Variants in DNAH7 observed in about 807,000 individuals in gnomAD.
DNAH7 encodes the protein axonemal beta dynein heavy chain 7.
Under a neutral mutation model 444.6 loss-of-function variants are expected in DNAH7, and 397 were observed. The ratio of observed to expected loss-of-function variants is 0.89; its 90% CI spans 0.82 to 0.97. The LOEUF (loss-of-function observed/expected upper bound fraction) is 0.97. Among genes scored for constraint, DNAH7 ranks in the 50% least tolerant of loss-of-function variants. The probability of loss-of-function intolerance (pLI) is 0.00; values close to 1 mark genes in which losing one functional copy is unlikely to be tolerated. For missense variants in DNAH7, 4,902 were observed against 4,800.8 expected (o/e 1.02, Z -0.62); for synonymous variants, 1,636 against 1,624.4 (o/e 1.01, Z -0.17).
intron 36 of DNAH7, among the ~76,000 whole-genome samples, chr2:195,879,291 T>C (rs1701233110): frequency 1.3e-5 from 2 of 151,904 alleles, no homozygotes; most frequent in Non-Finnish European, 2.9e-5. Context: ...CAAAAATAGA[T>C]CATGTAAATG....
At position 196,027,940 on chromosome 2, in the gene DNAH7, C is replaced by A. The variant is rs1695792502; in HGVS notation, c.486+20G>T. 2 of 1,605,542 alleles carry A rather than the reference C, an allele frequency of 1.2e-6. No individual in the cohort carries two copies. The highest frequency in any genetic ancestry group is 1.7e-5 in the Admixed American group (1 of 58,920). The stretch of plus-strand genomic sequence containing the variant: ...TTTCTTTCCTTTTCAATTATACAGA[C>A]AAAACAAATGGCCAGTTACCAAGAT... On this transcript the variant is annotated intron_variant, in intron 6 of 64. Coordinates refer to ENST00000312428, the MANE Select transcript of DNAH7 (RefSeq NM_018897.3).
chr2:195,745,260 G>A, intron 63 of DNAH7, among the ~76,000 whole-genome samples: 1 of 152,116 alleles, frequency 6.6e-6, no homozygotes, highest in East Asian at 1.9e-4. Flanking sequence ...TATCAGTGAT[G>A]GAAGATGAAA....
intron 48 of DNAH7, among the ~76,000 whole-genome samples, chr2:195,826,451 A>T (rs960882587): frequency 6.6e-6 from 1 of 152,240 alleles, no homozygotes; most frequent in Non-Finnish European, 1.5e-5. Flanking sequence ...TAAATCAGCT[A>T]GTAAATGACA....
At chr2:195,744,457 C>T (rs1693255973) in intron 63 of DNAH7, among the ~76,000 whole-genome samples, 1 of 152,234 alleles carries the variant, frequency 6.6e-6, no homozygotes, top group African/African-American at 2.4e-5. Context: ...GCAGTAACCT[C>T]TGCAGACTTA....
At chr2:195,995,383 C>T in intron 12 of DNAH7, 1 of 512,858 alleles carries the variant, frequency 1.9e-6, no homozygotes, top group South Asian at 1.5e-5. Flanking sequence ...GTGAGCACAC[C>T]AAGGGATGTA....
At chr2:195,960,025 G>A (rs1690972133) in intron 18 of DNAH7, among the ~76,000 whole-genome samples, 1 of 152,150 alleles carries the variant, frequency 6.6e-6, no homozygotes, top group African/African-American at 2.4e-5. Context: ...TGATAGCAAA[G>A]GATGAGCAAT....
At chr2:195,808,602 ATC>A in intron 53 of DNAH7, 78 bp downstream of exon 53, 1 of 1,532,588 alleles carries the variant, frequency 6.5e-7, no homozygotes, top group Non-Finnish European at 8.8e-7. Flanking sequence ...GCTTATTTAA[ATC>A]TTGCTTTTAT....
At chr2:195,911,152 A>T (rs900369634) in intron 24 of DNAH7, among the ~76,000 whole-genome samples, 1 of 152,202 alleles carries the variant, frequency 6.6e-6, no homozygotes, top group Non-Finnish European at 1.5e-5. Context: ...AGCAATGGAC[A>T]AAGAGTGTTA....
chr2:195,965,237 T>G (rs1198779955), intron 17 of DNAH7, among the ~76,000 whole-genome samples: 1 of 152,224 alleles, frequency 6.6e-6, no homozygotes, highest in East Asian at 1.9e-4. Flanking sequence ...ATATTATTTT[T>G]GTCGTTCATT....
chr2:196,013,999 G>T (rs1483770418), intron 9 of DNAH7, among the ~76,000 whole-genome samples: 1 of 152,130 alleles, frequency 6.6e-6, no homozygotes, highest in African/African-American at 2.4e-5. Flanking sequence ...CTTCGTATTC[G>T]ATTTGAAACA....
At chr2:195,907,936 G>A (rs887165761) in intron 25 of DNAH7, among the ~76,000 whole-genome samples, 1 of 151,994 alleles carries the variant, frequency 6.6e-6, no homozygotes, top group African/African-American at 2.4e-5. Flanking sequence ...TGCTTTGGAT[G>A]TCATATTCAA....
intron 7 of DNAH7, among the ~76,000 whole-genome samples, chr2:196,025,146 TTGGTATC>T (rs1470981872): frequency 6.6e-6 from 1 of 152,154 alleles, no homozygotes; most frequent in South Asian, 2.1e-4. Flanking sequence ...TCTGCAGATT[TTGGTATC>T]TGTCAGGGAG....
intron 19 of DNAH7, among the ~76,000 whole-genome samples, chr2:195,953,432 G>A (rs1297865150): frequency 6.6e-6 from 1 of 152,200 alleles, no homozygotes; most frequent in Non-Finnish European, 1.5e-5. Context: ...ACCTGAGAAG[G>A]CAGTCTGTCT....
At chr2:195,888,116 T>A in intron 33 of DNAH7, 142 bp downstream of exon 33, 1 of 676,366 alleles carries the variant, frequency 1.5e-6, no homozygotes, top group South Asian at 2.3e-5. Flanking sequence ...GCATGAATTC[T>A]AATCTAAATT....
At chr2:195,974,975 A>C (rs149135510) in intron 15 of DNAH7, among the ~76,000 whole-genome samples, 1 of 152,178 alleles carries the variant, frequency 6.6e-6, no homozygotes, top group Non-Finnish European at 1.5e-5. Context: ...CTGTGTATAG[A>C]AAGTTTTGAA....
chr2:196,036,694 C>T (rs1468396116), intron 5 of DNAH7, among the ~76,000 whole-genome samples: 1 of 152,210 alleles, frequency 6.6e-6, no homozygotes, highest in African/African-American at 2.4e-5. Flanking sequence ...ACCTTTCCAG[C>T]TGGCCTGTGG....
intron 19 of DNAH7, among the ~76,000 whole-genome samples, chr2:195,941,829 G>C (rs1689471468): frequency 6.6e-6 from 1 of 152,106 alleles, no homozygotes; most frequent in Admixed American, 6.6e-5. Context: ...CTTTCATTTA[G>C]ATTCAATGTA....
chr2:195,865,900 T>C (rs1700308258), intron 40 of DNAH7, among the ~76,000 whole-genome samples: 1 of 152,182 alleles, frequency 6.6e-6, no homozygotes, highest in Admixed American at 6.5e-5. Context: ...TTCTTGTTTC[T>C]GTTGGGCAGC....
chr2:195,953,721 A>G (rs1008908670), intron 19 of DNAH7, among the ~76,000 whole-genome samples: 4 of 152,194 alleles, frequency 2.6e-5, no homozygotes, highest in Non-Finnish European at 5.9e-5. Flanking sequence ...GGAACTTCCC[A>G]GCGGCTTTGT....
Sources: gnomAD v4.1 joint callset for allele counts (sites outside exome capture counted in the v4.1 genomes callset) on GRCh38, gnomAD v4.1.1 for gene constraint, MANE v1.5 for transcripts, NCBI Gene and HGNC (gene_info 2026-07-23, HGNC 2026-07-21) for gene names.